The following ANGPT1 variants were observed in gnomAD, a reference collection of about 807,000 sequenced individuals.
ANGPT1 encodes the protein angiopoietin-1.
ANGPT1 carries 17 observed loss-of-function variants against 62.2 expected under a neutral mutation model. That is an observed-to-expected ratio of 0.27 (90% CI 0.19 to 0.41). The LOEUF (loss-of-function observed/expected upper bound fraction) is 0.41, where lower values mean the gene tolerates loss of function less well. Ranked by LOEUF, ANGPT1 falls within the 10% of genes least tolerant of loss-of-function variation. The pLI is 1.00. For missense variants in ANGPT1, 478 were observed against 594.9 expected (o/e 0.80, Z 2.04); for synonymous variants, 199 against 198.9 (o/e 1.00, Z 0.00).
chr8:107,274,632 T>G (rs1398399333), intron 7 of ANGPT1, among the ~76,000 whole-genome samples: 1 of 152,118 alleles, frequency 6.6e-6, no homozygotes, highest in Non-Finnish European at 1.5e-5. Context: ...GATACTTTAT[T>G]AGAAATCTTA....
intron 1 of ANGPT1, among the ~76,000 whole-genome samples, chr8:107,348,385 C>T (rs1243491959): frequency 6.6e-6 from 1 of 152,168 alleles, no homozygotes; most frequent in Non-Finnish European, 1.5e-5. Context: ...TCATCCCTTG[C>T]TTATTTCTAT....
intron 1 of ANGPT1, among the ~76,000 whole-genome samples, chr8:107,379,008 C>A (rs1816585374): frequency 6.6e-6 from 1 of 151,188 alleles, no homozygotes; most frequent in Non-Finnish European, 1.5e-5. Context: ...TCATATTTTT[C>A]TAAATTTTCA....
At chr8:107,434,908 T>G (rs1308358929) in intron 1 of ANGPT1, among the ~76,000 whole-genome samples, 1 of 152,196 alleles carries the variant, frequency 6.6e-6, no homozygotes, top group African/African-American at 2.4e-5. Flanking sequence ...TAAACTGCAG[T>G]CAAATTCATT....
intron 1 of ANGPT1, among the ~76,000 whole-genome samples, chr8:107,409,612 T>C (rs1817218671): frequency 6.6e-6 from 1 of 152,184 alleles, no homozygotes; most frequent in African/African-American, 2.4e-5. Context: ...TTTTACCTTT[T>C]CATAGACAGA....
chr8:107,334,283 T>C (rs2130113513), intron 3 of ANGPT1, among the ~76,000 whole-genome samples: 1 of 152,280 alleles, frequency 6.6e-6, no homozygotes, highest in South Asian at 2.1e-4. Flanking sequence ...AATCAGGTGG[T>C]AACATAACTA....
intron 1 of ANGPT1, among the ~76,000 whole-genome samples, chr8:107,377,227 A>G (rs1816547226): frequency 6.6e-6 from 1 of 152,244 alleles, no homozygotes; most frequent in South Asian, 2.1e-4. Flanking sequence ...AACATTTTTT[A>G]ATGTTGAAAT....
At chr8:107,395,631 A>G (rs1816920252) in intron 1 of ANGPT1, among the ~76,000 whole-genome samples, 1 of 152,156 alleles carries the variant, frequency 6.6e-6, no homozygotes, top group African/African-American at 2.4e-5. Flanking sequence ...GTAAATAAGG[A>G]TATTTTGTAA....
At chr8:107,327,492 A>G (rs1386655784) in intron 3 of ANGPT1, among the ~76,000 whole-genome samples, 1 of 152,148 alleles carries the variant, frequency 6.6e-6, no homozygotes, top group Non-Finnish European at 1.5e-5. Flanking sequence ...ACTGAACACC[A>G]GTGCACTGTT....
intron 1 of ANGPT1, among the ~76,000 whole-genome samples, chr8:107,495,381 GA>G (rs1490513704): frequency 6.6e-6 from 1 of 151,990 alleles, no homozygotes; most frequent in African/African-American, 2.4e-5. Context: ...CATTGACCAA[GA>G]ACAATGCAAA....
intron 1 of ANGPT1, among the ~76,000 whole-genome samples, chr8:107,377,182 C>T (rs1816546150): frequency 6.6e-6 from 1 of 152,150 alleles, no homozygotes; most frequent in Non-Finnish European, 1.5e-5. Context: ...CGTTCTATTT[C>T]TTTTGGCACA....
At chr8:107,323,297 T>G (rs1380078951) in intron 3 of ANGPT1, among the ~76,000 whole-genome samples, 1 of 152,184 alleles carries the variant, frequency 6.6e-6, no homozygotes, top group Non-Finnish European at 1.5e-5. Context: ...GTTTTCTCAG[T>G]TCTGTTTTCA....
intron 3 of ANGPT1, 67 bp downstream of exon 3, chr8:107,336,083 T>A: frequency 1.4e-6 from 2 of 1,436,152 alleles, no homozygotes; most frequent in South Asian, 1.6e-5. Context: ...TGTTTAAGAG[T>A]TGGCAGAGAG....
chr8:107,315,112 T>C (rs1441138428), intron 4 of ANGPT1, among the ~76,000 whole-genome samples: 2 of 152,126 alleles, frequency 1.3e-5, no homozygotes, highest in African/African-American at 4.8e-5. Flanking sequence ...CCCATAATAA[T>C]GATCAAATGT....
chr8:107,250,391 T>G lies in ANGPT1; in HGVS notation c.*1464A>C, dbSNP rs1813222439. The G allele has an allele frequency of 6.6e-6, 1 of 152,152 alleles. No individual in the cohort carries two copies. Among genetic ancestry groups the G allele is most frequent in the South Asian group, 2.1e-4 (1 of 4,832 alleles). 9.4% of individuals were successfully genotyped at this position (152,152 alleles called of 1,614,324 possible). On this transcript the variant is annotated 3_prime_UTR_variant, in exon 9 of 9. Transcript: ENST00000517746. ...TTGAGTTATTTATGGCAACTAGCAG[T>G]CAGAATTTCTTAGTCAGGTGACTAT... is the stretch of plus-strand genomic sequence containing the variant.
chr8:107,475,301 C>G (rs954598542), intron 1 of ANGPT1, among the ~76,000 whole-genome samples: 3 of 152,180 alleles, frequency 2.0e-5, no homozygotes, highest in Non-Finnish European at 4.4e-5. Context: ...ACTATCTGAT[C>G]TTTGATAAAC....
intron 8 of ANGPT1, among the ~76,000 whole-genome samples, chr8:107,253,657 G>A (rs917355743): frequency 1.3e-5 from 2 of 152,140 alleles, no homozygotes; most frequent in African/African-American, 4.8e-5. Context: ...GTTGCATTGG[G>A]GTAAAATGTG....
chr8:107,476,869 T>C (rs1812546793), intron 1 of ANGPT1, among the ~76,000 whole-genome samples: 2 of 152,216 alleles, frequency 1.3e-5, no homozygotes, highest in South Asian at 4.1e-4. Flanking sequence ...TATTTACTTA[T>C]GTTCATTATG....
intron 3 of ANGPT1, among the ~76,000 whole-genome samples, chr8:107,323,509 G>A (rs527305522): frequency 2.0e-5 from 3 of 152,260 alleles, no homozygotes; most frequent in South Asian, 4.1e-4. Context: ...GGTACTGGGG[G>A]ACAAAGTGTA....
intron 3 of ANGPT1, among the ~76,000 whole-genome samples, chr8:107,333,992 G>GGAA (rs1563573969): frequency 2.9e-3 from 79 of 27,218 alleles, no homozygotes; most frequent in South Asian, 7.5e-3. Flanking sequence ...GAGGGAGGGA[G>GGAA]GGAGGGAAGG....
Sources: allele counts gnomAD v4.1 joint callset (sites outside exome capture counted in the v4.1 genomes callset), GRCh38; gene constraint gnomAD v4.1.1; transcripts MANE v1.5; gene names NCBI Gene and HGNC (gene_info 2026-07-23, HGNC 2026-07-21).